The following YEATS4 variants were observed in gnomAD, a reference collection of about 807,000 sequenced individuals.
YEATS4 encodes the protein YEATS domain-containing protein 4.
Under a neutral mutation model 30.1 loss-of-function variants are expected in YEATS4, and 17 were observed. The ratio of observed to expected loss-of-function variants is 0.56; its 90% CI spans 0.39 to 0.85. The LOEUF (loss-of-function observed/expected upper bound fraction) is 0.85, where lower values mean the gene tolerates loss of function less well. YEATS4 is among the 40% of genes least tolerant of loss of function. The pLI, the probability that YEATS4 is intolerant of heterozygous loss-of-function variation, is 0.00. For missense variants in YEATS4, 142 were observed against 268.3 expected (o/e 0.53, Z 3.29); for synonymous variants, 85 against 87.5 (o/e 0.97, Z 0.16).
At chr12:69,377,106 G>T (rs1659104239) in intron 6 of YEATS4, among the ~76,000 whole-genome samples, 1 of 151,984 alleles carries the variant, frequency 6.6e-6, no homozygotes, top group Non-Finnish European at 1.5e-5. Flanking sequence ...AAATTTGTCA[G>T]TTTTGTTTAT....
At chr12:69,389,200 C>T (rs561839579) in intron 6 of YEATS4, among the ~76,000 whole-genome samples, 4 of 152,000 alleles carry the variant, frequency 2.6e-5, no homozygotes, top group African/African-American at 4.8e-5. Context: ...CTGTAATCCC[C>T]GCACTTTGGG....
At chr12:69,373,975 C>T (rs954241437) in intron 6 of YEATS4, among the ~76,000 whole-genome samples, 5 of 152,056 alleles carry the variant, frequency 3.3e-5, no homozygotes, top group African/African-American at 4.8e-5. Flanking sequence ...TAGTCTGTTC[C>T]GTTGGTTTAT....
the YEATS4 span, among the ~76,000 whole-genome samples, chr12:69,398,036 T>TA: frequency 6.6e-6 from 1 of 152,068 alleles, no homozygotes; most frequent in Non-Finnish European, 1.5e-5. Context: ...CGTTTATAAT[T>TA]AAAAAAACAC....
At chr12:69,413,925 C>T in the YEATS4 span, among the ~76,000 whole-genome samples, 1 of 151,962 alleles carries the variant, frequency 6.6e-6, no homozygotes, top group Admixed American at 6.6e-5. Context: ...TCAAGAAAGT[C>T]TCCTGCTTAC....
At chr12:69,401,184 A>G in the YEATS4 span, 1 of 150,598 alleles carries the variant, frequency 6.6e-6, no homozygotes. Context: ...TGGGCAACAC[A>G]GTGAGACCTT....
intron 4 of YEATS4, 82 bp downstream of exon 4, chr12:69,365,966 C>T (rs1397409757): frequency 2.9e-6 from 3 of 1,037,726 alleles, no homozygotes; most frequent in Admixed American, 2.8e-5. Context: ...GAATAGTGTT[C>T]ATTCAGATGT....
chr12:69,407,702 C>CTTTTTTTTT, the YEATS4 span, among the ~76,000 whole-genome samples: 77 of 62,638 alleles, frequency 1.2e-3, no homozygotes, highest in African/African-American at 2.8e-3. Flanking sequence ...TACTTTTTGT[C>CTTTTTTTTT]TTTTTTTTTT....
intron 6 of YEATS4, among the ~76,000 whole-genome samples, chr12:69,376,398 C>A (rs943458678): frequency 6.6e-6 from 1 of 152,276 alleles, no homozygotes; most frequent in African/African-American, 2.4e-5. Context: ...ATGATAATAT[C>A]ATCTACAAAC....
the YEATS4 span, among the ~76,000 whole-genome samples, chr12:69,402,054 G>A: frequency 1.3e-5 from 2 of 152,118 alleles, no homozygotes; most frequent in Non-Finnish European, 2.9e-5. Context: ...TGTTTATCTT[G>A]GTAAGTGTGT....
At position 69,362,013 on chromosome 12, in the gene YEATS4, G is replaced by GTTTTTGTTTTTTTTTGTTTTT. The variant is rs1555174243; in HGVS notation, c.52-770_52-769insGTTTTTTTTTGTTTTTTTTTT. 1.7e-4 allele frequency among the ~76,000 whole-genome samples: 12 copies of GTTTTTGTTTTTTTTTGTTTTT among 69,056 alleles called. 3 individuals carry two copies. Among genetic ancestry groups the GTTTTTGTTTTTTTTTGTTTTT allele is most frequent in the East Asian group, 4.2e-4 (1 of 2,384 alleles). 45.3% of individuals were successfully genotyped at this position (69,056 alleles called of 152,430 possible). On this transcript the variant is annotated intron_variant, in intron 1 of 6. Coordinates refer to ENST00000247843, the MANE Select transcript of YEATS4 (RefSeq NM_006530.4). ...TTTTTAAATTGTAGGGTGTTTGGTT[G>GTTTTTGTTTTTTTTTGTTTTT]TTTTTTTTTTTTTTTTTTTTTGGAG...
intron 4 of YEATS4, among the ~76,000 whole-genome samples, chr12:69,369,064 A>G (rs1278869757): frequency 6.6e-6 from 1 of 152,190 alleles, no homozygotes; most frequent in Non-Finnish European, 1.5e-5. Flanking sequence ...CCCATCTCAA[A>G]CAAAATATAC....
At position 69,390,213 on chromosome 12, in the gene YEATS4, T is replaced by A. The variant is rs1868301156; in HGVS notation, c.581T>A (p.Ile194Asn). The stretch of plus-strand genomic sequence containing the variant: ...GCTAAGAAAAAAACAAGCTTTGAGA[T>A]TGCAGAGCTTAAGGAGAGATTAAAA... ...EAAKKKTSFE[I>N]AELKERLKAS... Residue 194 changes from isoleucine to asparagine, a missense_variant, in exon 7 of 7, where the codon ATT (isoleucine) becomes AAT (asparagine). Physicochemically the swap from Ile to Asn is moderately radical, Grantham distance 149. Transcript: ENST00000247843. The A allele has an allele frequency of 6.2e-7, 1 of 1,603,546 alleles. No individual in the cohort carries two copies. The highest frequency in any genetic ancestry group is 2.2e-5 in the East Asian group (1 of 44,712).
chr12:69,400,718 A>G, the YEATS4 span, among the ~76,000 whole-genome samples: 16 of 151,872 alleles, frequency 1.1e-4, no homozygotes, highest in Non-Finnish European at 1.9e-4. Context: ...AAAAGGATGT[A>G]TGAATTCACT....
chr12:69,362,774 T>C lies in YEATS4; in HGVS notation c.52-14T>C. ...GTACAATATTCATTTATTTTAAAATTATTTTTCTTTTAGGGTGTTACTATC... is the reference window on the plus strand; with the variant it reads ...GTACAATATTCATTTATTTTAAAATCATTTTTCTTTTAGGGTGTTACTATC... On this transcript the variant is annotated splice_polypyrimidine_tract_variant and intron_variant, in intron 1 of 6. Coordinates refer to ENST00000247843, the MANE Select transcript of YEATS4 (RefSeq NM_006530.4). 2 of 1,581,894 alleles carry C rather than the reference T, an allele frequency of 1.3e-6. No homozygotes were observed. Among genetic ancestry groups the C allele is most frequent in the Non-Finnish European group, 1.7e-6 (2 of 1,160,988 alleles).
In YEATS4 at chr12:69,390,572, T is replaced by A. The variant is rs1388271175; in HGVS notation, c.*256T>A. On this transcript the variant is annotated 3_prime_UTR_variant, in exon 7 of 7. Coordinates refer to ENST00000247843, the MANE Select transcript of YEATS4 (RefSeq NM_006530.4). ...ATTCTATGATATTAAGCACAGTTTT[T>A]AAAAATGTTTATTGTAGTATATGTA... 1 of 227,252 alleles carries A rather than the reference T, an allele frequency of 4.4e-6. No homozygotes were observed. Among genetic ancestry groups the A allele is most frequent in the Admixed American group, 5.7e-5 (1 of 17,592 alleles). 14.1% of individuals were successfully genotyped at this position (227,252 alleles called of 1,614,324 possible).
chr12:69,362,997 T>A lies in YEATS4; in HGVS notation c.171+90T>A, dbSNP rs1265169266. The A allele has an allele frequency of 1.0e-5, 13 of 1,256,166 alleles. 2 individuals are homozygous for A. In the South Asian group the frequency reaches 2.0e-4, roughly 20 times the overall value. The allele number at this position is 1,256,166 out of a possible 1,614,324, so 77.8% of individuals were successfully genotyped here. On this transcript the variant is annotated intron_variant, in intron 2 of 6. Transcript: ENST00000247843. ...ACAACCTGTAGTTTTTTTTTTTTTT[T>A]TTTTTTTTTTTTTGAGATGGAGTCT...
At chr12:69,400,295 C>T in the YEATS4 span, among the ~76,000 whole-genome samples, 2 of 152,040 alleles carry the variant, frequency 1.3e-5, no homozygotes, top group Non-Finnish European at 2.9e-5. Context: ...CTGAGACACA[C>T]AAAGCCCTAA....
At chr12:69,408,613 T>C in the YEATS4 span, among the ~76,000 whole-genome samples, 1 of 152,134 alleles carries the variant, frequency 6.6e-6, no homozygotes, top group Non-Finnish European at 1.5e-5. Context: ...CAGACAAATT[T>C]CTCCAGTCAA....
At chr12:69,369,027 A>G (rs1259287814) in intron 4 of YEATS4, among the ~76,000 whole-genome samples, 1 of 152,212 alleles carries the variant, frequency 6.6e-6, no homozygotes, top group Non-Finnish European at 1.5e-5. Flanking sequence ...CAGGAATTCA[A>G]GACCAGCCTG....
Sources: gnomAD v4.1 joint callset for allele counts (sites outside exome capture counted in the v4.1 genomes callset) on GRCh38, gnomAD v4.1.1 for gene constraint, MANE v1.5 for transcripts, NCBI Gene and HGNC (gene_info 2026-07-23, HGNC 2026-07-21) for gene names.